RIPK2: variants seen among roughly 807,000 people sequenced by gnomAD.
RIPK2 encodes the protein receptor interacting serine/threonine kinase 2.
A neutral mutation model predicts 60.9 loss-of-function variants in RIPK2; 38 were observed. The ratio of observed to expected loss-of-function variants is 0.62; its 90% confidence interval spans 0.48 to 0.82. The LOEUF is 0.82. RIPK2 is among the 40% of genes least tolerant of loss of function. The pLI is 0.00. For missense variants in RIPK2, 518 were observed against 647.0 expected (o/e 0.80, Z 2.16); for synonymous variants, 225 against 223.4 (o/e 1.01, Z -0.06).
intron 1 of RIPK2, among the ~76,000 whole-genome samples, chr8:89,762,427 T>G (rs912315320): frequency 6.6e-6 from 1 of 152,174 alleles, no homozygotes; most frequent in African/African-American, 2.4e-5. Flanking sequence ...ACCATAAAAT[T>G]TAATATAATA....
intron 3 of RIPK2, among the ~76,000 whole-genome samples, chr8:89,767,938 G>T (rs1407907859): frequency 6.6e-6 from 1 of 151,668 alleles, no homozygotes; most frequent in Non-Finnish European, 1.5e-5. Flanking sequence ...AATCCTTGGT[G>T]CTATGTAGAT....
At position 89,789,497 on chromosome 8, in the gene RIPK2, T is replaced by C. The variant is rs1477541187; in HGVS notation, c.1285+15T>C. The C allele has an allele frequency of 6.2e-7, 1 of 1,609,038 alleles. No homozygotes were observed. On this transcript the variant is annotated intron_variant, in intron 10 of 10. Transcript: ENST00000220751. ...AGGAAACTCAGGTAAATATTTACTG[T>C]GAAACACCTTGTAAGTGATGCCATT... is the stretch of plus-strand genomic sequence containing the variant.
At chr8:89,764,414 C>CTA (rs1378822475) in intron 2 of RIPK2, among the ~76,000 whole-genome samples, 1 of 152,142 alleles carries the variant, frequency 6.6e-6, no homozygotes, top group Non-Finnish European at 1.5e-5. Context: ...GATCACTGAA[C>CTA]TATAAGCTGA....
intron 7 of RIPK2, among the ~76,000 whole-genome samples, chr8:89,782,372 G>A (rs755943657): frequency 1.8e-4 from 27 of 152,270 alleles, no homozygotes; most frequent in Middle Eastern, 3.4e-3. Flanking sequence ...GTTGAGCAAG[G>A]GTAATGGAAA....
chr8:89,758,027 G>T lies in RIPK2; in HGVS notation c.-34G>T. On this transcript the variant is annotated 5_prime_UTR_variant, in exon 1 of 11. Coordinates refer to ENST00000220751, the MANE Select transcript of RIPK2 (RefSeq NM_003821.6). ...AGCCTTGGGAGCCGCCGCAGCAGGG[G>T]GCACACCCGGAACCGGCCTGAGCGC... 6.5e-7 allele frequency: 1 copy of T among 1,532,066 alleles called. No homozygotes were observed. The highest frequency in any genetic ancestry group is 1.2e-5 in the South Asian group (1 of 81,178). The allele number at this position is 1,532,066 out of a possible 1,614,324, so 94.9% of individuals were successfully genotyped here.
At chr8:89,767,029 A>G (rs766365725) in intron 3 of RIPK2, among the ~76,000 whole-genome samples, 1 of 151,748 alleles carries the variant, frequency 6.6e-6, no homozygotes, top group Non-Finnish European at 1.5e-5. Context: ...TTTTTCTTCT[A>G]TGGATCATGC....
Position 89,790,469 on chromosome 8 carries a change from G to A in RIPK2, c.*53G>A. The A allele has an allele frequency of 7.6e-7, 1 of 1,319,896 alleles. No individual in the cohort carries two copies. The highest frequency in any genetic ancestry group is 1.0e-6 in the Non-Finnish European group (1 of 968,392). The allele number at this position is 1,319,896 out of a possible 1,614,324, so 81.8% of individuals were successfully genotyped here. ...TTCATAAAAGGATATTTATATCTCT[G>A]TTGCTTTGACTTTTTTTATATAAAA... On this transcript the variant is annotated 3_prime_UTR_variant, in exon 11 of 11. Transcript: ENST00000220751.
intron 7 of RIPK2, among the ~76,000 whole-genome samples, chr8:89,783,442 A>T (rs1809532925): frequency 6.6e-6 from 1 of 152,172 alleles, no homozygotes; most frequent in South Asian, 2.1e-4. Flanking sequence ...CAAAATAGGA[A>T]TTTTTATCTC....
Position 89,784,037 on chromosome 8 carries a change from G to C in RIPK2, c.940-13G>C. On this transcript the variant is annotated splice_polypyrimidine_tract_variant and intron_variant, in intron 7 of 10. Transcript: ENST00000220751. ...CCAGTTAAAGTGTATATATATTTAT[G>C]TATTCATTACAGTTACAGAGTGTTT... 1 of 1,335,604 alleles carries C rather than the reference G, an allele frequency of 7.5e-7. No homozygotes were observed. The allele number at this position is 1,335,604 out of a possible 1,614,324, so 82.7% of individuals were successfully genotyped here.
intron 7 of RIPK2, chr8:89,780,448 A>G (rs1436470824): frequency 5.7e-6 from 1 of 176,822 alleles, no homozygotes; most frequent in East Asian, 1.5e-4. Context: ...AGGCGAGTGA[A>G]TCACTTGAGC....
intron 3 of RIPK2, among the ~76,000 whole-genome samples, chr8:89,768,051 T>C (rs933407347): frequency 5.3e-5 from 8 of 151,686 alleles, no homozygotes; most frequent in Non-Finnish European, 1.0e-4. Flanking sequence ...GAAAGTGTCA[T>C]TTCCTTGGCC....
At chr8:89,761,854 A>C (rs1809151457) in intron 1 of RIPK2, among the ~76,000 whole-genome samples, 1 of 152,090 alleles carries the variant, frequency 6.6e-6, no homozygotes, top group African/African-American at 2.4e-5. Flanking sequence ...TGTCTTATTC[A>C]CCTTCACTCC....
chr8:89,763,444 A>G (rs1809177657), intron 2 of RIPK2, among the ~76,000 whole-genome samples: 1 of 152,186 alleles, frequency 6.6e-6, no homozygotes, highest in Non-Finnish European at 1.5e-5. Flanking sequence ...TTCTAATAAT[A>G]GACAGTGGTA....
chr8:89,778,474 C>T (rs1809438749), intron 6 of RIPK2, among the ~76,000 whole-genome samples: 2 of 152,170 alleles, frequency 1.3e-5, no homozygotes, highest in African/African-American at 4.8e-5. Context: ...ACTGCCTGTT[C>T]TCACCACTAA....
At position 89,778,635 on chromosome 8, in the gene RIPK2, C is replaced by A. The variant is rs529637476; in HGVS notation, c.854-1440C>A. 2.4e-4 allele frequency among the ~76,000 whole-genome samples: 37 copies of A among 152,294 alleles called. 1 individual carries two copies. The South Asian group carries it at 7.7e-3, about 32-fold the overall frequency. On this transcript the variant is annotated intron_variant, in intron 6 of 10. Coordinates refer to ENST00000220751, the MANE Select transcript of RIPK2 (RefSeq NM_003821.6). ...TTTCTCAGGTTCATCCAGGTTTCGG[C>A]ATGAATCATAGTTCAGTAATTTATT...
chr8:89,784,052 A>G lies in RIPK2; in HGVS notation c.942A>G (p.Leu314=). 4 of 1,530,060 alleles carry G rather than the reference A, an allele frequency of 2.6e-6. No individual in the cohort carries two copies. The highest frequency in any genetic ancestry group is 3.6e-6 in the Non-Finnish European group (4 of 1,115,438). 94.8% of individuals were successfully genotyped at this position (1,530,060 alleles called of 1,614,324 possible). A position where few individuals can be genotyped will look rare whatever the true frequency, so the allele number is the denominator to read the frequency against. The change falls in exon 8 of 11, where the codon TTA becomes TTG. Residue 314 remains leucine, a splice_region_variant and synonymous_variant. Coordinates refer to ENST00000220751, the MANE Select transcript of RIPK2 (RefSeq NM_003821.6). ...ATATATTTATGTATTCATTACAGTT[A>G]CAGAGTGTTTCAAGTGCCATTCACC... The part of the protein sequence containing the change: ...EAVIQLKKTK[L]QSVSSAIHLC...
chr8:89,774,831 G>A (rs992904198), intron 6 of RIPK2, among the ~76,000 whole-genome samples: 1 of 152,116 alleles, frequency 6.6e-6, no homozygotes, highest in African/African-American at 2.4e-5. Flanking sequence ...AGAAGAGGAA[G>A]AAGAAAAAGG....
intron 9 of RIPK2, among the ~76,000 whole-genome samples, 183 bp from the exon 10 acceptor site, chr8:89,789,138 A>G (rs1342264756): frequency 6.6e-6 from 1 of 152,198 alleles, no homozygotes; most frequent in Admixed American, 6.5e-5. Flanking sequence ...AAAGCATTCC[A>G]TATAAACCCT....
intron 3 of RIPK2, 132 bp downstream of exon 3, chr8:89,765,628 A>G (rs1477389254): frequency 5.8e-6 from 3 of 517,968 alleles, no homozygotes; most frequent in Non-Finnish European, 1.0e-5. Flanking sequence ...TAATTTCCAT[A>G]GCCCCTAATT....
Sources: allele counts gnomAD v4.1 joint callset (sites outside exome capture counted in the v4.1 genomes callset), GRCh38; gene constraint gnomAD v4.1.1; transcripts MANE v1.5; gene names NCBI Gene and HGNC (gene_info 2026-07-23, HGNC 2026-07-21).